CNTN5: variants seen among roughly 807,000 people sequenced by gnomAD.
CNTN5 encodes the protein contactin-5.
CNTN5 carries 77 observed loss-of-function variants against 129.1 expected under a neutral mutation model. That is an observed-to-expected ratio of 0.60 (90% CI 0.50 to 0.72). The LOEUF (loss-of-function observed/expected upper bound fraction) is 0.72, where lower values mean the gene tolerates loss of function less well. Among genes scored for constraint, CNTN5 ranks in the 30% least tolerant of loss-of-function variants. The pLI is 0.00. For missense variants in CNTN5, 1,478 were observed against 1,328.8 expected, an observed-to-expected ratio of 1.11 and a Z score of -1.75; for synonymous variants, 509 against 465.6, an observed-to-expected ratio of 1.09 and a Z score of -1.20.
chr11:99,847,901 G>T (rs953912238), intron 6 of CNTN5, among the ~76,000 whole-genome samples: 1 of 152,066 alleles, frequency 6.6e-6, no homozygotes, highest in African/African-American at 2.4e-5. Context: ...GAACACAAAG[G>T]CAAGGTGAAA....
At chr11:99,592,391 G>GC (rs1436336855) in intron 3 of CNTN5, among the ~76,000 whole-genome samples, 26 of 152,284 alleles carry the variant, frequency 1.7e-4, no homozygotes, top group Admixed American at 1.7e-3. Flanking sequence ...AAGCAAGCCA[G>GC]CAGAGCATAA....
intron 9 of CNTN5, among the ~76,000 whole-genome samples, chr11:100,039,887 CT>C (rs1353791989): frequency 1.3e-5 from 2 of 152,070 alleles, no homozygotes; most frequent in African/African-American, 4.8e-5. Context: ...TTTTTCAAAG[CT>C]TTCAACTTCT....
At chr11:99,256,880 T>C (rs1862399517) in intron 1 of CNTN5, among the ~76,000 whole-genome samples, 1 of 152,030 alleles carries the variant, frequency 6.6e-6, no homozygotes, top group Non-Finnish European at 1.5e-5. Context: ...TTCAAAATGT[T>C]TAGAACATAT....
chr11:100,073,526 A>G (rs1315218650), intron 12 of CNTN5, among the ~76,000 whole-genome samples: 1 of 151,828 alleles, frequency 6.6e-6, no homozygotes, highest in Non-Finnish European at 1.5e-5. Flanking sequence ...GACATCTTTC[A>G]GGTTCTCTTT....
At chr11:99,982,693 T>C (rs925079277) in intron 8 of CNTN5, among the ~76,000 whole-genome samples, 2 of 152,100 alleles carry the variant, frequency 1.3e-5, no homozygotes, top group African/African-American at 2.4e-5. Context: ...CAGGCTGGAG[T>C]GCAGTGGGGC....
At chr11:99,768,644 A>G (rs1944839205) in intron 3 of CNTN5, among the ~76,000 whole-genome samples, 1 of 152,120 alleles carries the variant, frequency 6.6e-6, no homozygotes, top group African/African-American at 2.4e-5. Context: ...TCTTGAATTT[A>G]TTAACTATTT....
chr11:99,773,064 C>T (rs193054429), intron 3 of CNTN5, among the ~76,000 whole-genome samples: 2 of 151,958 alleles, frequency 1.3e-5, no homozygotes, highest in African/African-American at 4.8e-5. Flanking sequence ...GAACCAACAA[C>T]CAGATTAGGA....
intron 20 of CNTN5, among the ~76,000 whole-genome samples, chr11:100,307,260 G>C (rs150300601): frequency 1.3e-4 from 20 of 151,624 alleles, no homozygotes; most frequent in African/African-American, 4.8e-4. Flanking sequence ...CATAGATGAA[G>C]CTCAACTCTA....
chr11:99,588,881 C>G (rs60282155), intron 3 of CNTN5, among the ~76,000 whole-genome samples: 2,504 of 152,196 alleles, frequency 0.016, 65 homozygotes, highest in African/African-American at 0.056. Flanking sequence ...ATTAGAGTTT[C>G]TTAGAATGAG....
intron 3 of CNTN5, among the ~76,000 whole-genome samples, chr11:99,717,642 G>C (rs1483311444): frequency 6.6e-6 from 1 of 151,980 alleles, no homozygotes; most frequent in East Asian, 1.9e-4. Context: ...TAATTAAATG[G>C]AGGTAAATCA....
At chr11:99,875,793 A>G (rs1057064724) in intron 6 of CNTN5, among the ~76,000 whole-genome samples, 2 of 152,198 alleles carry the variant, frequency 1.3e-5, no homozygotes, top group African/African-American at 2.4e-5. Flanking sequence ...CATTTGCAAA[A>G]TAAATGACTC....
intron 2 of CNTN5, among the ~76,000 whole-genome samples, chr11:99,513,693 C>T (rs1468309053): frequency 6.6e-6 from 1 of 151,372 alleles, no homozygotes; most frequent in African/African-American, 2.4e-5. Flanking sequence ...GTATGTTTTA[C>T]CAAATATTTT....
intron 3 of CNTN5, among the ~76,000 whole-genome samples, chr11:99,705,912 A>C (rs1954735788): frequency 6.6e-6 from 1 of 151,540 alleles, no homozygotes; most frequent in South Asian, 2.1e-4. Flanking sequence ...AGAATAACAG[A>C]AAACTACCCA....
At chr11:99,358,263 T>TTTTTTC (rs1555119930) in intron 2 of CNTN5, among the ~76,000 whole-genome samples, 2 of 106,906 alleles carry the variant, frequency 1.9e-5, no homozygotes, top group African/African-American at 6.8e-5. Flanking sequence ...TGATTTTTTT[T>TTTTTTC]TTTTTTTTTT....
At chr11:99,365,347 C>CA (rs1180834506) in intron 2 of CNTN5, among the ~76,000 whole-genome samples, 2 of 152,080 alleles carry the variant, frequency 1.3e-5, no homozygotes, top group African/African-American at 4.8e-5. Context: ...TTCAAACAGA[C>CA]AAAATAGAGT....
intron 6 of CNTN5, among the ~76,000 whole-genome samples, chr11:99,873,184 T>C (rs1314685086): frequency 6.6e-6 from 1 of 152,034 alleles, no homozygotes; most frequent in Non-Finnish European, 1.5e-5. Context: ...TACATAACCA[T>C]GTTCCTGAAT....
Position 99,843,723 on chromosome 11 carries a change from G to A in CNTN5, c.278-1129G>A, listed in dbSNP as rs184953999. Among the ~76,000 whole-genome samples the A allele has an allele frequency of 2.0e-5, 3 of 152,158 alleles. No individual in the cohort carries two copies. The East Asian group carries it at 5.8e-4, about 29-fold the overall frequency. ...CTAGTGGGTAGAGGCCACGGATGCT[G>A]CTAACCATTCTACAATGCACAGGAC... On this transcript the variant is annotated intron_variant, in intron 4 of 24. Transcript: ENST00000524871.
At chr11:99,115,913 AT>A (rs1488943502) in intron 1 of CNTN5, among the ~76,000 whole-genome samples, 2 of 152,172 alleles carry the variant, frequency 1.3e-5, no homozygotes, top group African/African-American at 4.8e-5. Flanking sequence ...TTAAGGGAAG[AT>A]TTTAGAATGA....
chr11:100,340,025 G>A (rs982318005), intron 21 of CNTN5, among the ~76,000 whole-genome samples: 4 of 152,080 alleles, frequency 2.6e-5, no homozygotes, highest in African/African-American at 4.8e-5. Context: ...GATACAGCTC[G>A]TGTGATTCAT....
Sources: gnomAD v4.1 joint callset for allele counts (sites outside exome capture counted in the v4.1 genomes callset) on GRCh38, gnomAD v4.1.1 for gene constraint, MANE v1.5 for transcripts, NCBI Gene and HGNC (gene_info 2026-07-23, HGNC 2026-07-21) for gene names.